CACNA2D1: variants seen among roughly 807,000 people sequenced by gnomAD.
CACNA2D1 encodes the protein voltage-dependent calcium channel subunit alpha-2/delta-1.
A neutral mutation model predicts 171.5 loss-of-function variants in CACNA2D1; 53 were observed. The ratio of observed to expected loss-of-function variants is 0.31; its 90% CI spans 0.25 to 0.39. The LOEUF (loss-of-function observed/expected upper bound fraction) is 0.39, where lower values mean the gene tolerates loss of function less well. Ranked by LOEUF, CACNA2D1 falls within the 10% of genes least tolerant of loss-of-function variation. CACNA2D1 has a pLI of 1.00. For missense variants in CACNA2D1, 903 were observed against 1,299.8 expected, an observed-to-expected ratio of 0.69 and a Z score of 4.69; for synonymous variants, 442 against 443.1, an observed-to-expected ratio of 1.00 and a Z score of 0.03.
intron 3 of CACNA2D1, among the ~76,000 whole-genome samples, chr7:82,217,001 A>G (rs904470597): frequency 4.0e-5 from 6 of 151,894 alleles, no homozygotes; most frequent in Non-Finnish European, 7.4e-5. Context: ...TTTTATGTCA[A>G]ACCAGTGGAG....
chr7:82,098,621 G>C (rs966896766), intron 6 of CACNA2D1, among the ~76,000 whole-genome samples: 4 of 152,100 alleles, frequency 2.6e-5, no homozygotes, highest in Non-Finnish European at 5.9e-5. Flanking sequence ...AGCCTCAAGA[G>C]ACTGAGGCTT....
intron 3 of CACNA2D1, among the ~76,000 whole-genome samples, chr7:82,231,114 C>T (rs1802884437): frequency 1.3e-5 from 2 of 152,232 alleles, no homozygotes; most frequent in Admixed American, 1.3e-4. Context: ...CCTCGCCCTT[C>T]CTTTTGTTGT....
At chr7:82,400,059 A>G (rs1826192871) in intron 1 of CACNA2D1, among the ~76,000 whole-genome samples, 1 of 151,220 alleles carries the variant, frequency 6.6e-6, no homozygotes, top group Non-Finnish European at 1.5e-5. Context: ...CCATTGATCT[A>G]TATCTCTGTT....
intron 12 of CACNA2D1, chr7:82,028,510 G>A (rs770413749): frequency 6.6e-6 from 1 of 151,790 alleles, no homozygotes; most frequent in African/African-American, 2.4e-5. Flanking sequence ...AACACATTTG[G>A]TAAGACTATA....
intron 18 of CACNA2D1, among the ~76,000 whole-genome samples, chr7:82,001,395 C>A (rs1461234471): frequency 6.6e-6 from 1 of 152,100 alleles, no homozygotes; most frequent in Non-Finnish European, 1.5e-5. Flanking sequence ...TTTTAGAAGC[C>A]ATCTCGTTAT....
chr7:82,351,285 A>T (rs1819818245), intron 1 of CACNA2D1, among the ~76,000 whole-genome samples: 1 of 151,458 alleles, frequency 6.6e-6, no homozygotes, highest in Non-Finnish European at 1.5e-5. Context: ...TAGTATAAAT[A>T]TATATTTTTT....
intron 3 of CACNA2D1, among the ~76,000 whole-genome samples, chr7:82,199,886 T>C (rs960575354): frequency 6.6e-6 from 1 of 152,020 alleles, no homozygotes; most frequent in South Asian, 2.1e-4. Flanking sequence ...CTACTACTCA[T>C]CAATAAAAAA....
At chr7:82,208,050 C>A (rs1800189745) in intron 3 of CACNA2D1, among the ~76,000 whole-genome samples, 1 of 152,010 alleles carries the variant, frequency 6.6e-6, no homozygotes, top group Non-Finnish European at 1.5e-5. Flanking sequence ...GTGCCATATA[C>A]CTTAAGGGTG....
At chr7:82,112,265 A>C (rs1373301410) in intron 6 of CACNA2D1, among the ~76,000 whole-genome samples, 1 of 152,170 alleles carries the variant, frequency 6.6e-6, no homozygotes, top group Non-Finnish European at 1.5e-5. Flanking sequence ...TTCACTCTTT[A>C]ATTTCAGTAT....
At chr7:82,027,001 A>G (rs1310723119) in intron 12 of CACNA2D1, among the ~76,000 whole-genome samples, 1 of 151,686 alleles carries the variant, frequency 6.6e-6, no homozygotes, top group Non-Finnish European at 1.5e-5. Flanking sequence ...CTAAAGATCA[A>G]AGTAATTGAA....
intron 1 of CACNA2D1, among the ~76,000 whole-genome samples, chr7:82,370,378 T>TAGAAATTA (rs1187977335): frequency 6.6e-6 from 1 of 152,038 alleles, no homozygotes; most frequent in Non-Finnish European, 1.5e-5. Flanking sequence ...AGTGGAGCAG[T>TAGAAATTA]ATACAGAGAA....
intron 31 of CACNA2D1, among the ~76,000 whole-genome samples, chr7:81,966,194 T>G (rs975103979): frequency 1.4e-5 from 1 of 73,696 alleles, no homozygotes; most frequent in Non-Finnish European, 2.7e-5. Flanking sequence ...ACAAAAAATG[T>G]CCATGGTTAA....
At chr7:82,317,212 T>C (rs576722073) in intron 3 of CACNA2D1, among the ~76,000 whole-genome samples, 1 of 152,340 alleles carries the variant, frequency 6.6e-6, no homozygotes, top group South Asian at 2.1e-4. Context: ...GCATACATTA[T>C]TTTCTTTTTA....
chr7:82,428,388 G>A (rs530063872), intron 1 of CACNA2D1, among the ~76,000 whole-genome samples: 41 of 152,250 alleles, frequency 2.7e-4, no homozygotes, highest in African/African-American at 9.1e-4. Context: ...ACCTCAGGAC[G>A]ATAAGCAAGG....
At chr7:82,434,902 C>T (rs1829991618) in intron 1 of CACNA2D1, among the ~76,000 whole-genome samples, 1 of 151,932 alleles carries the variant, frequency 6.6e-6, no homozygotes, top group African/African-American at 2.4e-5. Context: ...AATCAAGGCC[C>T]TTCTTTTGAA....
At chr7:82,163,243 AT>A (rs1471598515) in intron 4 of CACNA2D1, among the ~76,000 whole-genome samples, 5 of 152,070 alleles carry the variant, frequency 3.3e-5, no homozygotes, top group South Asian at 2.1e-4. Context: ...TAAAATTATC[AT>A]TTTTAAAGAC....
intron 12 of CACNA2D1, among the ~76,000 whole-genome samples, chr7:82,031,263 T>C (rs1163347851): frequency 6.6e-6 from 1 of 151,466 alleles, no homozygotes; most frequent in African/African-American, 2.4e-5. Context: ...GGCAAGGAGG[T>C]TCAGGGACAT....
At chr7:82,066,995 A>C (rs1425259257) in intron 7 of CACNA2D1, among the ~76,000 whole-genome samples, 1 of 152,180 alleles carries the variant, frequency 6.6e-6, no homozygotes, top group African/African-American at 2.4e-5. Context: ...TGGTAAAATA[A>C]CTAAAAGGTC....
chr7:82,020,618 G>T (rs1332446967), intron 12 of CACNA2D1, among the ~76,000 whole-genome samples: 2 of 151,942 alleles, frequency 1.3e-5, no homozygotes, highest in Non-Finnish European at 2.9e-5. Context: ...TTCCATTAGT[G>T]GGTCTTTAGC....
Sources: allele counts gnomAD v4.1 joint callset (sites outside exome capture counted in the v4.1 genomes callset), GRCh38; gene constraint gnomAD v4.1.1; transcripts MANE v1.5; gene names NCBI Gene and HGNC (gene_info 2026-07-23, HGNC 2026-07-21).